The following EYS variants were observed in gnomAD, a reference collection of about 807,000 sequenced individuals.
EYS encodes protein eyes shut homolog.
Under a neutral mutation model 282.1 loss-of-function variants are expected in EYS, and 250 were observed. The observed-to-expected ratio is 0.89, with a 90% confidence interval of 0.80 to 0.98. The LOEUF is 0.98. Ranked by LOEUF, EYS falls within the 50% of genes least tolerant of loss-of-function variation. EYS has a pLI of 0.00. For synonymous variants in EYS, 1,355 were observed against 1,282.9 expected (o/e 1.06, Z -1.20); for missense variants, 4,016 against 3,709.0 (o/e 1.08, Z -2.15).
chr6:65,342,442 G>A (rs1295843553), intron 10 of EYS, among the ~76,000 whole-genome samples: 1 of 150,784 alleles, frequency 6.6e-6, no homozygotes. Context: ...AAATGATTGT[G>A]TAAGTTTACA....
At chr6:64,553,675 TTAACTCTGTGTCAACAAAGCACTCA>T (rs1458950505) in intron 26 of EYS, among the ~76,000 whole-genome samples, 2 of 151,832 alleles carry the variant, frequency 1.3e-5, no homozygotes, top group African/African-American at 4.8e-5. Flanking sequence ...GTATCCTGAG[TTAACTCTGTGTCAACAAAGCACTCA>T]TAGGTCTTGG....
intron 22 of EYS, among the ~76,000 whole-genome samples, chr6:64,698,249 C>T (rs1056351704): frequency 6.6e-6 from 1 of 151,942 alleles, no homozygotes; most frequent in African/African-American, 2.4e-5. Flanking sequence ...TATAAATTAA[C>T]AACCTGCCAT....
At position 64,254,884 on chromosome 6, in the gene EYS, A is replaced by G. The variant is rs550349815; in HGVS notation, c.6192-24060T>C. On this transcript the variant is annotated intron_variant, in intron 30 of 42. Coordinates refer to ENST00000503581, the MANE Select transcript of EYS (RefSeq NM_001142800.2). ...GATTTGGAAATGTATGAAATTACAT[A>G]TAGAAGCAAAGTGAAAAGAGGGGAA... 2.0e-5 allele frequency among the ~76,000 whole-genome samples: 3 copies of G among 152,256 alleles called. No homozygotes were observed. In the East Asian group the frequency reaches 5.8e-4, roughly 29 times the overall value.
At chr6:65,014,694 G>A (rs941596904) in intron 13 of EYS, among the ~76,000 whole-genome samples, 8 of 152,132 alleles carry the variant, frequency 5.3e-5, no homozygotes, top group Non-Finnish European at 7.4e-5. Flanking sequence ...ATATGCCATC[G>A]ATTTTAAGGG....
chr6:64,864,382 C>CTTTTTTTTTTTTTTTTTTTTTTTTTTT (rs1562231995), intron 19 of EYS, among the ~76,000 whole-genome samples: 1 of 40,078 alleles, frequency 2.5e-5, no homozygotes, highest in Non-Finnish European at 5.7e-5. Flanking sequence ...GGTGCTATAC[C>CTTTTTTTTTTTTTTTTTTTTTTTTTTT]TTCTTTTTTT....
chr6:64,134,917 G>A (rs1774109049), intron 31 of EYS, among the ~76,000 whole-genome samples: 1 of 152,078 alleles, frequency 6.6e-6, no homozygotes, highest in Admixed American at 6.6e-5. Flanking sequence ...ATGGATATAT[G>A]ATGAGATGCA....
In EYS at chr6:65,331,822, C is replaced by T. The variant is rs568388050; in HGVS notation, c.1766+3158G>A. The T allele has an allele frequency of 3.9e-4, 244 of 633,034 alleles. No homozygotes were observed. The African/African-American group carries it at 4.5e-3, about 12-fold the overall frequency. 39.2% of individuals were successfully genotyped at this position (633,034 alleles called of 1,614,324 possible). ...TTCAATGTTTATTCGTATTGAAGCA[C>T]ATATCAGTAATTCATCTTTGTCTAT... On this transcript the variant is annotated intron_variant, in intron 11 of 42. Transcript: ENST00000503581.
chr6:65,317,971 A>C (rs1769359033), intron 11 of EYS, among the ~76,000 whole-genome samples: 1 of 150,152 alleles, frequency 6.7e-6, no homozygotes, highest in African/African-American at 2.5e-5. Flanking sequence ...GGGTTCAAGC[A>C]ATTCTCCTGC....
intron 29 of EYS, among the ~76,000 whole-genome samples, chr6:64,370,841 G>A (rs984968740): frequency 6.6e-6 from 1 of 151,908 alleles, no homozygotes; most frequent in African/African-American, 2.4e-5. Context: ...ACAGTTTTTT[G>A]TATTTCTGTG....
At chr6:64,324,343 A>G in intron 29 of EYS, among the ~76,000 whole-genome samples, 1 of 152,210 alleles carries the variant, frequency 6.6e-6, no homozygotes, top group East Asian at 1.9e-4. Context: ...CAAATCAATA[A>G]ATGTGATTCA....
intron 2 of EYS, among the ~76,000 whole-genome samples, chr6:65,631,993 G>A (rs1376622899): frequency 6.6e-6 from 1 of 152,042 alleles, no homozygotes; most frequent in Non-Finnish European, 1.5e-5. Flanking sequence ...TTATATATGA[G>A]GAAATTTAAT....
intron 15 of EYS, among the ~76,000 whole-genome samples, chr6:64,916,578 T>C (rs1327919668): frequency 6.6e-6 from 1 of 152,192 alleles, no homozygotes; most frequent in African/African-American, 2.4e-5. Flanking sequence ...GAAAACATAT[T>C]TGATGTGAGG....
rs559553242 is a variant in EYS at position 65,141,055 on chromosome 6, C to T, written c.2024-83328G>A. Among the ~76,000 whole-genome samples, 1,492 of 151,636 alleles carry T rather than the reference C, an allele frequency of 9.8e-3. 21 individuals are homozygous for T. Among genetic ancestry groups the T allele is most frequent in the African/African-American group, 0.034 (1,394 of 41,292 alleles). On this transcript the variant is annotated intron_variant, in intron 12 of 42. Transcript: ENST00000503581. Reference sequence around the variant, plus strand: ...GACACATGCACACGTATGTTTATTGCGGCACTATTCACGATAGCAAAGACT... The same window carrying T: ...GACACATGCACACGTATGTTTATTGTGGCACTATTCACGATAGCAAAGACT...
intron 41 of EYS, among the ~76,000 whole-genome samples, chr6:63,754,181 TTTTA>T (rs1769417561): frequency 6.6e-6 from 1 of 152,122 alleles, no homozygotes; most frequent in African/African-American, 2.4e-5. Context: ...AGGGACACTA[TTTTA>T]TTTATTTATT....
At chr6:63,844,636 T>G (rs59217667) in intron 36 of EYS, among the ~76,000 whole-genome samples, 18,255 of 152,130 alleles carry the variant, frequency 0.12, 1,317 homozygotes, top group African/African-American at 0.19. Flanking sequence ...TTTCATATTT[T>G]TGTTGGCTGC....
chr6:64,061,351 A>C (rs1390297648), intron 33 of EYS, among the ~76,000 whole-genome samples: 2 of 152,212 alleles, frequency 1.3e-5, no homozygotes, highest in Non-Finnish European at 2.9e-5. Context: ...CCCAAAAGAG[A>C]ATAACCCTTG....
intron 6 of EYS, among the ~76,000 whole-genome samples, chr6:65,404,820 G>T (rs1766657512): frequency 6.6e-6 from 1 of 151,716 alleles, no homozygotes; most frequent in African/African-American, 2.4e-5. Flanking sequence ...AAAATGAAAA[G>T]ACAGTAATTT....
intron 5 of EYS, among the ~76,000 whole-genome samples, chr6:65,412,032 A>G (rs1399365153): frequency 3.3e-5 from 5 of 152,040 alleles, no homozygotes; most frequent in Admixed American, 3.3e-4. Flanking sequence ...ATGTAATTAG[A>G]TTATGACAGT....
intron 8 of EYS, among the ~76,000 whole-genome samples, chr6:65,360,236 T>G (rs991847231): frequency 6.6e-6 from 1 of 151,954 alleles, no homozygotes; most frequent in Non-Finnish European, 1.5e-5. Flanking sequence ...TCTTATTCTA[T>G]CCAATTTAAA....
Sources: gnomAD v4.1 joint callset for allele counts (sites outside exome capture counted in the v4.1 genomes callset) on GRCh38, gnomAD v4.1.1 for gene constraint, MANE v1.5 for transcripts, NCBI Gene and HGNC (gene_info 2026-07-23, HGNC 2026-07-21) for gene names.